The following SMAD2 variants were observed in gnomAD, a reference collection of about 807,000 sequenced individuals.
SMAD2 encodes the protein SMAD family member 2.
A neutral mutation model predicts 64.4 loss-of-function variants in SMAD2; 8 were observed. The ratio of observed to expected loss-of-function variants is 0.12; its 90% CI spans 0.07 to 0.22. SMAD2 has a LOEUF of 0.22. SMAD2 is among the 10% of genes least tolerant of loss of function. SMAD2 has a pLI of 1.00. For missense variants in SMAD2, 289 were observed against 561.2 expected, an observed-to-expected ratio of 0.51 and a Z score of 4.90; for synonymous variants, 203 against 195.8, an observed-to-expected ratio of 1.04 and a Z score of -0.31.
chr18:47,905,568 T>C (rs533851539), intron 1 of SMAD2, among the ~76,000 whole-genome samples: 4 of 151,436 alleles, frequency 2.6e-5, no homozygotes, highest in Non-Finnish European at 5.9e-5. Context: ...GAGTATAGAG[T>C]AGGCATAAGA....
intron 8 of SMAD2, among the ~76,000 whole-genome samples, chr18:47,846,166 G>T (rs113563294): frequency 0.017 from 2,606 of 152,138 alleles, 67 homozygotes; most frequent in African/African-American, 0.059. Context: ...TACAACTGTA[G>T]TTTCTTAGAG....
In SMAD2 at chr18:47,839,058, C is replaced by T. The variant is rs1196130599; in HGVS notation, c.*2769G>A. ...AAATCAGGCCACAGTAGATAAAATA[C>T]AAAAAACATCATCTCGTTAAAAAGC... On this transcript the variant is annotated 3_prime_UTR_variant, in exon 11 of 11. Coordinates refer to ENST00000262160, the MANE Select transcript of SMAD2 (RefSeq NM_005901.6). The T allele has an allele frequency of 8.6e-6, 2 of 232,762 alleles. No individual in the cohort carries two copies. The highest frequency in any genetic ancestry group is 6.0e-5 in the East Asian group (1 of 16,654). The allele number at this position is 232,762 out of a possible 1,614,324, so 14.4% of individuals were successfully genotyped here. A position where few individuals can be genotyped will look rare whatever the true frequency, so the allele number is the denominator to read the frequency against.
chr18:47,868,156 A>G (rs922179350), intron 5 of SMAD2, 167 bp downstream of exon 5: 2 of 646,726 alleles, frequency 3.1e-6, no homozygotes, highest in Admixed American at 4.8e-5. Flanking sequence ...TGTTTAATGT[A>G]CTAGGCTTAT....
chr18:47,839,041 C>A lies in SMAD2; in HGVS notation c.*2786G>T, dbSNP rs555188375. Reference sequence around the variant, plus strand: ...GGCAGAAAACAAAAAAAAAATCAGGCCACAGTAGATAAAATACAAAAAACA... The same window carrying A: ...GGCAGAAAACAAAAAAAAAATCAGGACACAGTAGATAAAATACAAAAAACA... On this transcript the variant is annotated 3_prime_UTR_variant, in exon 11 of 11. Transcript: ENST00000262160. 71 of 233,070 alleles carry A rather than the reference C, an allele frequency of 3.0e-4. No homozygotes were observed. The highest frequency in any genetic ancestry group is 1.5e-3 in the African/African-American group (68 of 45,372). The allele number at this position is 233,070 out of a possible 1,614,324, so 14.4% of individuals were successfully genotyped here. A position where few individuals can be genotyped will look rare whatever the true frequency, so the allele number is the denominator to read the frequency against.
At chr18:47,878,003 T>A (rs992204372) in intron 2 of SMAD2, among the ~76,000 whole-genome samples, 1 of 152,104 alleles carries the variant, frequency 6.6e-6, no homozygotes, top group African/African-American at 2.4e-5. Flanking sequence ...GTGTAGAAAA[T>A]GTTTTTCGAT....
chr18:47,848,078 G>A (rs1348152339), intron 8 of SMAD2, among the ~76,000 whole-genome samples: 1 of 150,956 alleles, frequency 6.6e-6, no homozygotes, highest in Non-Finnish European at 1.5e-5. Flanking sequence ...TCACCAAAGG[G>A]GGAAAAAACC....
At chr18:47,878,167 C>T in intron 2 of SMAD2, 1 of 152,112 alleles carries the variant, frequency 6.6e-6, no homozygotes, top group East Asian at 1.9e-4. Context: ...AAGTAGAGCT[C>T]ACCACACAAT....
chr18:47,849,494 TA>T, intron 7 of SMAD2, among the ~76,000 whole-genome samples: 1 of 36,774 alleles, frequency 2.7e-5, no homozygotes, highest in Non-Finnish European at 5.6e-5. Context: ...TATGTATATA[TA>T]TATATATATA....
At chr18:47,910,145 G>A (rs2144512256) in intron 1 of SMAD2, among the ~76,000 whole-genome samples, 1 of 148,618 alleles carries the variant, frequency 6.7e-6, no homozygotes, top group Admixed American at 6.8e-5. Flanking sequence ...AGCCTATCGA[G>A]GAAATCATAA....
At chr18:47,906,897 T>C (rs1488306356) in intron 1 of SMAD2, among the ~76,000 whole-genome samples, 1 of 152,196 alleles carries the variant, frequency 6.6e-6, no homozygotes, top group Non-Finnish European at 1.5e-5. Flanking sequence ...GTAAGAGCTC[T>C]TGGCATTACA....
In SMAD2 at chr18:47,817,122, C is replaced by A. The variant is rs1042909234; in HGVS notation, c.*24705G>T. 2.6e-5 allele frequency: 4 copies of A among 152,178 alleles called. No individual in the cohort carries two copies. Among genetic ancestry groups the A allele is most frequent in the African/African-American group, 7.2e-5 (3 of 41,444 alleles). 9.4% of individuals were successfully genotyped at this position (152,178 alleles called of 1,614,324 possible). On this transcript the variant is annotated 3_prime_UTR_variant, in exon 11 of 11. Transcript: ENST00000262160. Reference sequence around the variant, plus strand: ...CAAATAGAGTTTTCTTTTAGAGAGCCTCTCTCTGTGTTGACATAAATGGTG... The same window carrying A: ...CAAATAGAGTTTTCTTTTAGAGAGCATCTCTCTGTGTTGACATAAATGGTG...
intron 2 of SMAD2, chr18:47,895,598 C>T (rs1265755662): frequency 6.6e-6 from 1 of 152,046 alleles, no homozygotes; most frequent in African/African-American, 2.4e-5. Flanking sequence ...AATCAACAAA[C>T]CAAAAAAGCA....
intron 6 of SMAD2, among the ~76,000 whole-genome samples, chr18:47,861,919 A>T (rs1752751883): frequency 6.6e-6 from 1 of 152,322 alleles, no homozygotes; most frequent in East Asian, 1.9e-4. Context: ...AAATGCTATT[A>T]TTGTCCCTAT....
Position 47,821,964 on chromosome 18 carries a change from C to T in SMAD2, c.*19863G>A, listed in dbSNP as rs993592792. 3 of 152,130 alleles carry T rather than the reference C, an allele frequency of 2.0e-5. No homozygotes were observed. Among genetic ancestry groups the T allele is most frequent in the African/African-American group, 7.2e-5 (3 of 41,434 alleles). 9.4% of individuals were successfully genotyped at this position (152,130 alleles called of 1,614,324 possible). A position where few individuals can be genotyped will look rare whatever the true frequency, so the allele number is the denominator to read the frequency against. ...TTAAGTGTTTTTGACTTAAAATTAC[C>T]TTTGAGTTTTCCACTTGGGCCTCTG... On this transcript the variant is annotated 3_prime_UTR_variant, in exon 11 of 11. Transcript: ENST00000262160.
At chr18:47,908,679 G>A (rs994145863) in intron 1 of SMAD2, among the ~76,000 whole-genome samples, 3 of 151,900 alleles carry the variant, frequency 2.0e-5, no homozygotes, top group African/African-American at 7.3e-5. Flanking sequence ...TAAAATTAAC[G>A]GTAGTACATA....
rs565508339 is a variant in SMAD2, at chr18:47,817,103, G to C, written c.*24724C>G. Reference sequence around the variant, plus strand: ...TACAGCAATGCTGTATTCCCAAATAGAGTTTTCTTTTAGAGAGCCTCTCTC... The same window carrying C: ...TACAGCAATGCTGTATTCCCAAATACAGTTTTCTTTTAGAGAGCCTCTCTC... On this transcript the variant is annotated 3_prime_UTR_variant, in exon 11 of 11. Transcript: ENST00000262160. The C allele has an allele frequency of 2.0e-5, 3 of 152,226 alleles. No homozygotes were observed. The South Asian group carries it at 6.2e-4, about 32-fold the overall frequency. The allele number at this position is 152,226 out of a possible 1,614,324, so 9.4% of individuals were successfully genotyped here. A position where few individuals can be genotyped will look rare whatever the true frequency, so the allele number is the denominator to read the frequency against.
At position 47,836,641 on chromosome 18, in the gene SMAD2, T is replaced by C. The variant is rs1181880949; in HGVS notation, c.*5186A>G. 1 of 212,394 alleles carries C rather than the reference T, an allele frequency of 4.7e-6. No homozygotes were observed. The highest frequency in any genetic ancestry group is 2.4e-5 in the African/African-American group (1 of 42,026). 13.2% of individuals were successfully genotyped at this position (212,394 alleles called of 1,614,324 possible). On this transcript the variant is annotated 3_prime_UTR_variant, in exon 11 of 11. Coordinates refer to ENST00000262160, the MANE Select transcript of SMAD2 (RefSeq NM_005901.6). ...TATATAAATTCATACACATATATTA[T>C]TTATTTCCTTCTTAAAAAGACTGAG...
intron 1 of SMAD2, among the ~76,000 whole-genome samples, chr18:47,910,330 T>C (rs2040822259): frequency 2.0e-5 from 3 of 151,996 alleles, no homozygotes; most frequent in Admixed American, 1.3e-4. Flanking sequence ...AGGAAGAAGA[T>C]GCAGAAGAAG....
At position 47,827,521 on chromosome 18, in the gene SMAD2, C is replaced by T. The variant is rs1262809312; in HGVS notation, c.*14306G>A. 1 of 152,436 alleles carries T rather than the reference C, an allele frequency of 6.6e-6. No individual in the cohort carries two copies. The highest frequency in any genetic ancestry group is 1.5e-5 in the Non-Finnish European group (1 of 68,222). 9.4% of individuals were successfully genotyped at this position (152,436 alleles called of 1,614,324 possible). On this transcript the variant is annotated 3_prime_UTR_variant, in exon 11 of 11. Transcript: ENST00000262160. ...GTCTCCCACTTTCCACCGTCTCCCT[C>T]TGATGCCGAGCCAAGGCTGGACTGT...
Sources: gnomAD v4.1 joint callset for allele counts (sites outside exome capture counted in the v4.1 genomes callset) on GRCh38, gnomAD v4.1.1 for gene constraint, MANE v1.5 for transcripts, NCBI Gene and HGNC (gene_info 2026-07-23, HGNC 2026-07-21) for gene names.